The following GRAMD2B variants were observed in gnomAD, a reference collection of about 807,000 sequenced individuals.
GRAMD2B encodes the protein GRAM domain containing 2B, also known as GRAM domain-containing protein 2B.
In GRAMD2B, 41 loss-of-function variants were observed where a neutral mutation model predicts 59.2. The ratio of observed to expected loss-of-function variants is 0.69; its 90% CI spans 0.54 to 0.90. The LOEUF is 0.90. Ranked by LOEUF, GRAMD2B falls within the 40% of genes least tolerant of loss-of-function variation. The probability of loss-of-function intolerance (pLI) is 0.00; values close to 1 mark genes in which losing one functional copy is unlikely to be tolerated. For missense variants in GRAMD2B, 424 were observed against 500.5 expected (o/e 0.85, Z 1.46); for synonymous variants, 161 against 182.7 (o/e 0.88, Z 0.96).
At chr5:126,369,373 T>G (rs1017084999), upstream of GRAMD2B, among the ~76,000 whole-genome samples, 5 of 152,222 alleles carry the variant, frequency 3.3e-5, no homozygotes, top group Admixed American at 2.6e-4. Context: ...AAGATATAGT[T>G]TTTTTAATCT....
At chr5:126,447,313 A>G (rs967161555) in intron 1 of GRAMD2B, among the ~76,000 whole-genome samples, 1 of 152,154 alleles carries the variant, frequency 6.6e-6, no homozygotes, top group African/African-American at 2.4e-5. Flanking sequence ...AAGTACATCC[A>G]TTCCTATTGC....
chr5:126,423,585 G>A lies in GRAMD2B; in HGVS notation c.-22G>A, dbSNP rs767261438. On this transcript the variant is annotated 5_prime_UTR_variant, in exon 1 of 14. In the 5' UTR this introduces an upstream ATG that the reference lacks. Transcript: ENST00000285689. ...GAGCCAGGCGCGCGGAAGTCTGAAG[G>A]TGCCCTCCAGACACGGCCCCGATGA... is the stretch of plus-strand genomic sequence containing the variant. 6.2e-7 allele frequency: 1 copy of A among 1,607,542 alleles called. No homozygotes were observed. Among genetic ancestry groups the A allele is most frequent in the Non-Finnish European group, 8.5e-7 (1 of 1,177,580 alleles).
At position 126,465,543 on chromosome 5, in the gene GRAMD2B, A is replaced by C. The variant is rs751943347; in HGVS notation, c.201A>C (p.Leu67=). ...CAGACCAGAAGAAAATCATTAGCCT[A>C]TGGTAAGTCCTCCGTTGACTCTCTT... The part of the protein sequence containing the change: ...DSPDQKKIIS[L]WSKSSFDGAS... Residue 67 remains leucine, a splice_region_variant and synonymous_variant, in exon 2 of 14, where the codon CTA becomes CTC. Transcript: ENST00000285689. The C allele has an allele frequency of 6.4e-5, 104 of 1,613,262 alleles. No homozygotes were observed. The highest frequency in any genetic ancestry group is 8.6e-5 in the Non-Finnish European group (102 of 1,179,778).
At chr5:126,368,698 C>T (rs540043802), upstream of GRAMD2B, among the ~76,000 whole-genome samples, 61 of 152,318 alleles carry the variant, frequency 4.0e-4, 1 homozygote, top group South Asian at 0.012. Context: ...TTCCTAAAGG[C>T]CTTTGAGTTT....
chr5:126,486,866 T>C lies in GRAMD2B; in HGVS notation c.1059-7T>C, dbSNP rs1280885340. 1 of 1,576,972 alleles carries C rather than the reference T, an allele frequency of 6.3e-7. No homozygotes were observed. On this transcript the variant is annotated splice_polypyrimidine_tract_variant and splice_region_variant and intron_variant, in intron 11 of 13. Transcript: ENST00000285689. Reference sequence around the variant, plus strand: ...CTAACGAAAGTTTCTCTTTCATCCGTTTCCAGTGTCTGTGCACTAATCATC... The same window carrying C: ...CTAACGAAAGTTTCTCTTTCATCCGCTTCCAGTGTCTGTGCACTAATCATC...
In GRAMD2B at chr5:126,488,821, A is replaced by C; in HGVS notation, c.1186A>C (p.Arg396=). The change falls in exon 13 of 14, where the codon AGG becomes CGG. Residue 396 remains arginine, a synonymous_variant. Transcript: ENST00000285689. ...NTEQAAPSGL[R]SQVQFNVEVL... is the part of the protein sequence containing the mutation. Reference sequence around the variant, plus strand: ...CAGACAGGCAGCACCATCTGGCCTGAGGTCACAAGTACAATTCAATGTGGA... The same window carrying C: ...CAGACAGGCAGCACCATCTGGCCTGCGGTCACAAGTACAATTCAATGTGGA... 1 of 1,613,628 alleles carries C rather than the reference A, an allele frequency of 6.2e-7. No homozygotes were observed.
upstream of GRAMD2B, chr5:126,423,260 T>C: frequency 8.9e-7 from 1 of 1,127,822 alleles, no homozygotes; most frequent in Non-Finnish European, 1.1e-6. Flanking sequence ...ATGTTCCACC[T>C]GCTTGGCCAA....
intron 8 of GRAMD2B, among the ~76,000 whole-genome samples, chr5:126,482,664 C>T (rs947746080): frequency 4.6e-5 from 7 of 152,146 alleles, no homozygotes; most frequent in African/African-American, 1.7e-4. Flanking sequence ...TGTATGAAAT[C>T]GAAATGAGTG....
intron 1 of GRAMD2B, among the ~76,000 whole-genome samples, chr5:126,451,281 T>C (rs896812485): frequency 3.3e-5 from 5 of 152,236 alleles, no homozygotes; most frequent in Admixed American, 2.6e-4. Flanking sequence ...TCCATTTGCA[T>C]TGCTATAAAA....
At chr5:126,487,538 A>G (rs1285509599) in intron 12 of GRAMD2B, among the ~76,000 whole-genome samples, 1 of 152,188 alleles carries the variant, frequency 6.6e-6, no homozygotes, top group Non-Finnish European at 1.5e-5. Context: ...ACCTATTTAC[A>G]AGAAGCTTTT....
At chr5:126,480,975 TA>T in intron 8 of GRAMD2B, 1 of 492,616 alleles carries the variant, frequency 2.0e-6, no homozygotes, top group East Asian at 3.5e-5. Flanking sequence ...AATGCATTCA[TA>T]AAATCTTGCT....
intron 1 of GRAMD2B, among the ~76,000 whole-genome samples, chr5:126,413,886 C>T: frequency 6.6e-6 from 1 of 151,924 alleles, no homozygotes; most frequent in Non-Finnish European, 1.5e-5. Flanking sequence ...CCCATTTTTC[C>T]CCATAGATAA....
chr5:126,399,175 C>T (rs1286654985), intron 1 of GRAMD2B, among the ~76,000 whole-genome samples: 15 of 152,088 alleles, frequency 9.9e-5, no homozygotes, highest in Admixed American at 9.8e-4. Context: ...GTGCTCTATC[C>T]ATTAGTGTAA....
intron 1 of GRAMD2B, among the ~76,000 whole-genome samples, chr5:126,443,102 A>G (rs925389719): frequency 4.6e-5 from 7 of 152,158 alleles, no homozygotes; most frequent in African/African-American, 1.7e-4. Context: ...GAAAGTAACA[A>G]TAGTAATTGA....
intron 1 of GRAMD2B, among the ~76,000 whole-genome samples, chr5:126,416,182 G>A (rs924025438): frequency 3.9e-5 from 6 of 152,146 alleles, no homozygotes; most frequent in East Asian, 1.9e-4. Context: ...GACTTGCTCC[G>A]GGTCTAAACC....
At chr5:126,400,479 G>T (rs975472144) in intron 1 of GRAMD2B, among the ~76,000 whole-genome samples, 1 of 149,268 alleles carries the variant, frequency 6.7e-6, no homozygotes, top group African/African-American at 2.4e-5. Flanking sequence ...ACTAGAGTTA[G>T]AAGTGATGTA....
chr5:126,485,974 G>A (rs1196865351), intron 11 of GRAMD2B, among the ~76,000 whole-genome samples: 1 of 152,106 alleles, frequency 6.6e-6, no homozygotes, highest in Non-Finnish European at 1.5e-5. Context: ...GCCAAACCCT[G>A]CAGAGGACTA....
intron 13 of GRAMD2B, among the ~76,000 whole-genome samples, chr5:126,491,635 T>TA (rs1289673007): frequency 1.3e-5 from 2 of 152,182 alleles, no homozygotes; most frequent in African/African-American, 2.4e-5. Context: ...ACTGTTCCTC[T>TA]AAAAAACAAT....
intron 13 of GRAMD2B, among the ~76,000 whole-genome samples, chr5:126,490,688 A>C (rs761626816): frequency 6.6e-6 from 1 of 152,208 alleles, no homozygotes; most frequent in Non-Finnish European, 1.5e-5. Flanking sequence ...GCAGCTGGGC[A>C]CTAGCGCAGC....
Sources: gnomAD v4.1 joint callset for allele counts (sites outside exome capture counted in the v4.1 genomes callset) on GRCh38, gnomAD v4.1.1 for gene constraint, MANE v1.5 for transcripts, NCBI Gene and HGNC (gene_info 2026-07-23, HGNC 2026-07-21) for gene names.